SERPINI1: variants seen among roughly 807,000 people sequenced by gnomAD.
SERPINI1 encodes serpin family I member 1.
SERPINI1 carries 19 observed loss-of-function variants against 41.1 expected under a neutral mutation model. That is an observed-to-expected ratio of 0.46 (90% CI 0.32 to 0.68). The LOEUF (loss-of-function observed/expected upper bound fraction) is 0.68, where lower values mean the gene tolerates loss of function less well. SERPINI1 is among the 30% of genes least tolerant of loss of function. The pLI is 0.03. For synonymous variants in SERPINI1, 138 were observed against 156.6 expected, an observed-to-expected ratio of 0.88 and a Z score of 0.89; for missense variants, 460 against 479.2, an observed-to-expected ratio of 0.96 and a Z score of 0.37.
chr3:167,774,359 C>T (rs1436767875), intron 1 of SERPINI1, among the ~76,000 whole-genome samples: 1 of 152,036 alleles, frequency 6.6e-6, no homozygotes, highest in Non-Finnish European at 1.5e-5. Context: ...CCAAAAGGGC[C>T]CTCAGATCTT....
At chr3:167,824,336 C>T in intron 7 of SERPINI1, 137 bp from the exon 8 acceptor site, 1 of 615,740 alleles carries the variant, frequency 1.6e-6, no homozygotes, top group Non-Finnish European at 2.8e-6. Context: ...AATTTTTCTC[C>T]AGTTAAGTCT....
At chr3:167,756,258 T>G in intron 1 of SERPINI1, among the ~76,000 whole-genome samples, 1 of 152,130 alleles carries the variant, frequency 6.6e-6, no homozygotes, top group East Asian at 1.9e-4. Flanking sequence ...GTTTTGTGTT[T>G]ATTTCCCATA....
intron 3 of SERPINI1, among the ~76,000 whole-genome samples, chr3:167,791,816 C>T (rs560408497): frequency 5.9e-5 from 9 of 152,280 alleles, no homozygotes; most frequent in African/African-American, 2.2e-4. Flanking sequence ...AATTTAATCA[C>T]GTACATTGTT....
At chr3:167,785,370 G>T (rs750590344) in intron 1 of SERPINI1, among the ~76,000 whole-genome samples, 8 of 152,190 alleles carry the variant, frequency 5.3e-5, no homozygotes, top group Non-Finnish European at 1.0e-4. Flanking sequence ...CTTGCTGAGG[G>T]TCAAACAGCA....
chr3:167,823,165 A>T, intron 7 of SERPINI1, 93 bp downstream of exon 7: 1 of 865,012 alleles, frequency 1.2e-6, no homozygotes, highest in Non-Finnish European at 2.0e-6. Flanking sequence ...AATGAAGCCA[A>T]AAAAGTCACT....
rs1391068530 is a variant in SERPINI1 at position 167,822,984 on chromosome 3, A to G, written c.980-2A>G. 3.2e-6 allele frequency: 5 copies of G among 1,575,784 alleles called. No homozygotes were observed. The highest frequency in any genetic ancestry group is 3.5e-6 in the Non-Finnish European group (4 of 1,145,386). ...AAAAAATTTCTGATTCTCTTTTTGC[A>G]GATAATAAGGAGATTTTTCTTTCCA... On this transcript the variant is annotated splice_acceptor_variant, in intron 6 of 8. Coordinates refer to ENST00000446050, the MANE Select transcript of SERPINI1 (RefSeq NM_001122752.2). LOFTEE classifies it high-confidence loss of function.
intron 1 of SERPINI1, among the ~76,000 whole-genome samples, chr3:167,784,916 T>A (rs1481067356): frequency 1.3e-5 from 2 of 152,190 alleles, no homozygotes; most frequent in Non-Finnish European, 2.9e-5. Flanking sequence ...CATTTTTTCA[T>A]AATGTCCTCT....
intron 6 of SERPINI1, among the ~76,000 whole-genome samples, chr3:167,809,190 T>C (rs942723247): frequency 6.6e-6 from 1 of 152,306 alleles, no homozygotes; most frequent in South Asian, 2.1e-4. Context: ...TATAATGTGG[T>C]ATCTGTACCT....
At chr3:167,754,359 C>T (rs559459748) in intron 1 of SERPINI1, among the ~76,000 whole-genome samples, 14 of 152,296 alleles carry the variant, frequency 9.2e-5, no homozygotes, top group Non-Finnish European at 1.8e-4. Context: ...TTAAAGCCCT[C>T]CATTGATCTA....
At chr3:167,759,587 T>G (rs1469130133) in intron 1 of SERPINI1, among the ~76,000 whole-genome samples, 1 of 151,838 alleles carries the variant, frequency 6.6e-6, no homozygotes, top group Non-Finnish European at 1.5e-5. Flanking sequence ...TGCACATGGA[T>G]ATAAAGATGG....
rs1712447182 is a variant in SERPINI1 at position 167,824,400 on chromosome 3, G to A, written c.1067-73G>A. 12 of 1,139,556 alleles carry A rather than the reference G, an allele frequency of 1.1e-5. No individual in the cohort carries two copies. In the Admixed American group the frequency reaches 1.9e-4, roughly 18 times the overall value. The allele number at this position is 1,139,556 out of a possible 1,614,324, so 70.6% of individuals were successfully genotyped here. ...TCTTTGCATTAGGTGGATAGGCATAGATGGTTTTGAGGAATTACTCATTAG... is the reference window on the plus strand; with the variant it reads ...TCTTTGCATTAGGTGGATAGGCATAAATGGTTTTGAGGAATTACTCATTAG... On this transcript the variant is annotated intron_variant, in intron 7 of 8. Transcript: ENST00000446050.
chr3:167,806,581 T>C (rs1711652708), intron 5 of SERPINI1, among the ~76,000 whole-genome samples: 1 of 152,182 alleles, frequency 6.6e-6, no homozygotes, highest in African/African-American at 2.4e-5. Context: ...TGTGATGATA[T>C]CATGAGAACA....
intron 6 of SERPINI1, among the ~76,000 whole-genome samples, chr3:167,811,093 A>C (rs1397823716): frequency 6.6e-6 from 1 of 151,838 alleles, no homozygotes; most frequent in African/African-American, 2.4e-5. Flanking sequence ...AAATTTTGAA[A>C]CTGTCAGTTA....
intron 1 of SERPINI1, among the ~76,000 whole-genome samples, chr3:167,774,212 C>T (rs550006057): frequency 1.3e-5 from 2 of 152,178 alleles, no homozygotes; most frequent in African/African-American, 4.8e-5. Flanking sequence ...TAGTAAGTAG[C>T]AGATTGAGGC....
chr3:167,744,831 T>C (rs1725813029), intron 1 of SERPINI1, among the ~76,000 whole-genome samples: 1 of 119,920 alleles, frequency 8.3e-6, no homozygotes, highest in Non-Finnish European at 1.7e-5. Context: ...ATATATAATA[T>C]ATATATTATA....
intron 1 of SERPINI1, among the ~76,000 whole-genome samples, chr3:167,780,503 C>T (rs1356367033): frequency 6.6e-6 from 1 of 152,164 alleles, no homozygotes; most frequent in Non-Finnish European, 1.5e-5. Context: ...CTGACAAATC[C>T]TTCTGCCTTT....
In SERPINI1 at chr3:167,742,839, T is replaced by TGC. The variant is rs1371028004; in HGVS notation, c.-19+7017_-19+7018insCG. On this transcript the variant is annotated intron_variant, in intron 1 of 8. Coordinates refer to ENST00000446050, the MANE Select transcript of SERPINI1 (RefSeq NM_001122752.2). Reference sequence around the variant, plus strand: ...CGTTTTGTGTGTGTGTGTGTGTGTGTGTGTGTGTGTGTGTGTGTGTAGAAG... The same window carrying TGC: ...CGTTTTGTGTGTGTGTGTGTGTGTGTGCGTGTGTGTGTGTGTGTGTGTAGAAG... Among the ~76,000 whole-genome samples, 7 of 151,704 alleles carry TGC rather than the reference T, an allele frequency of 4.6e-5. No homozygotes were observed. The East Asian group carries it at 1.2e-3, about 25-fold the overall frequency.
At chr3:167,808,945 C>T (rs1448733097) in intron 6 of SERPINI1, among the ~76,000 whole-genome samples, 1 of 152,192 alleles carries the variant, frequency 6.6e-6, no homozygotes, top group African/African-American at 2.4e-5. Context: ...CACTCAGCTT[C>T]TAGCAATGAG....
chr3:167,815,678 CTA>C (rs1285360073), intron 6 of SERPINI1, among the ~76,000 whole-genome samples: 1 of 152,174 alleles, frequency 6.6e-6, no homozygotes, highest in Non-Finnish European at 1.5e-5. Flanking sequence ...GTGTGAGCCA[CTA>C]TGCCCGGCCT....
Sources: gnomAD v4.1 joint callset for allele counts (sites outside exome capture counted in the v4.1 genomes callset) on GRCh38, gnomAD v4.1.1 for gene constraint, MANE v1.5 for transcripts, NCBI Gene and HGNC (gene_info 2026-07-23, HGNC 2026-07-21) for gene names.